SEMA5A: variants seen among roughly 807,000 people sequenced by gnomAD.
SEMA5A encodes the protein semaphorin-5A.
In SEMA5A, 55 loss-of-function variants were observed where a neutral mutation model predicts 135.5. That is an observed-to-expected ratio of 0.41 (90% CI 0.33 to 0.51). SEMA5A has a LOEUF of 0.51. Among genes scored for constraint, SEMA5A ranks in the 20% least tolerant of loss-of-function variants. The pLI is 0.37. For synonymous variants in SEMA5A, 580 were observed against 546.5 expected (o/e 1.06, Z -0.85); for missense variants, 1,290 against 1,419.9 (o/e 0.91, Z 1.47).
chr5:9,481,968 C>T (rs777433509), intron 1 of SEMA5A, among the ~76,000 whole-genome samples: 16 of 152,222 alleles, frequency 1.1e-4, no homozygotes, highest in Admixed American at 2.0e-4. Context: ...ATCACATCTC[C>T]AAACCACTTT....
chr5:9,355,193 G>A (rs13158558), intron 3 of SEMA5A, among the ~76,000 whole-genome samples: 99,614 of 152,002 alleles, frequency 0.66, 33,667 homozygotes, highest in South Asian at 0.76. Flanking sequence ...TATTCACAAC[G>A]ACAAGTGGGA....
chr5:9,445,618 G>C lies in SEMA5A; in HGVS notation c.-174-7766C>G, dbSNP rs535667590. On this transcript the variant is annotated intron_variant, in intron 1 of 22. Transcript: ENST00000382496. The stretch of plus-strand genomic sequence containing the variant: ...CGGGAGACGGAGCTTGCAATGAGCC[G>C]AGATGGCACCACTGCACTCCAGTCT... Among the ~76,000 whole-genome samples the C allele has an allele frequency of 7.9e-5, 12 of 152,152 alleles. No individual in the cohort carries two copies. The South Asian group carries it at 2.3e-3, about 29-fold the overall frequency.
At chr5:9,335,009 CA>C (rs1430969115) in intron 4 of SEMA5A, among the ~76,000 whole-genome samples, 2 of 151,992 alleles carry the variant, frequency 1.3e-5, no homozygotes, top group African/African-American at 4.8e-5. Flanking sequence ...ATGAGGACTC[CA>C]GGGATATTGA....
At chr5:9,248,143 A>G (rs3026320) in intron 5 of SEMA5A, among the ~76,000 whole-genome samples, 5 of 152,184 alleles carry the variant, frequency 3.3e-5, no homozygotes, top group Admixed American at 1.3e-4. Flanking sequence ...ATGTTTGATA[A>G]GAGCTCCATC....
At chr5:9,478,327 G>A (rs531660606) in intron 1 of SEMA5A, among the ~76,000 whole-genome samples, 27 of 152,310 alleles carry the variant, frequency 1.8e-4, no homozygotes, top group East Asian at 1.4e-3. Context: ...CAGAATCCCC[G>A]CTGGGCATTG....
chr5:9,214,360 C>T (rs574711999), intron 8 of SEMA5A, among the ~76,000 whole-genome samples: 3 of 152,286 alleles, frequency 2.0e-5, no homozygotes, highest in African/African-American at 4.8e-5. Flanking sequence ...CTGACAGCAC[C>T]TCCCACCATC....
chr5:9,265,323 C>G, intron 5 of SEMA5A: 2 of 412,368 alleles, frequency 4.9e-6, no homozygotes, highest in Non-Finnish European at 9.9e-6. Context: ...ATTAGAAGGA[C>G]AGGCCCAGTT....
intron 16 of SEMA5A, among the ~76,000 whole-genome samples, chr5:9,088,657 TATAC>T (rs1561140883): frequency 2.3e-4 from 20 of 88,092 alleles, no homozygotes; most frequent in African/African-American, 8.7e-4. Flanking sequence ...TATATATATA[TATAC>T]ACACACACAC....
At chr5:9,403,244 G>C (rs565113094) in intron 2 of SEMA5A, among the ~76,000 whole-genome samples, 2 of 152,204 alleles carry the variant, frequency 1.3e-5, no homozygotes, top group Admixed American at 6.5e-5. Context: ...TGATATAACT[G>C]TTTATGAATT....
rs961345036 is a variant in SEMA5A at position 9,522,138 on chromosome 5, C to T, written c.-175+23446G>A. On this transcript the variant is annotated intron_variant, in intron 1 of 22. Coordinates refer to ENST00000382496, the MANE Select transcript of SEMA5A (RefSeq NM_003966.3). ...CACAGCCTGACACCATGGTGACACC[C>T]ACACATGACTCAAGAAAGGATGTTG... Among the ~76,000 whole-genome samples, 3 of 152,296 alleles carry T rather than the reference C, an allele frequency of 2.0e-5. No individual in the cohort carries two copies. The East Asian group carries it at 5.8e-4, about 29-fold the overall frequency.
intron 5 of SEMA5A, among the ~76,000 whole-genome samples, chr5:9,246,086 A>C (rs1748467762): frequency 6.6e-6 from 1 of 152,262 alleles, no homozygotes; most frequent in East Asian, 1.9e-4. Flanking sequence ...CGACTGGTGC[A>C]CTTCAAAAAT....
intron 1 of SEMA5A, among the ~76,000 whole-genome samples, chr5:9,525,792 C>G (rs141542988): frequency 1.3e-5 from 2 of 152,160 alleles, no homozygotes; most frequent in African/African-American, 4.8e-5. Flanking sequence ...GAAATTGTAT[C>G]TTTTTTTCTT....
At chr5:9,388,501 T>C (rs1394622743) in intron 2 of SEMA5A, among the ~76,000 whole-genome samples, 1 of 151,418 alleles carries the variant, frequency 6.6e-6, no homozygotes, top group East Asian at 1.9e-4. Flanking sequence ...AAAAAAGTAC[T>C]TAAATAATGG....
chr5:9,105,273 G>A (rs1412511248), intron 16 of SEMA5A, among the ~76,000 whole-genome samples: 3 of 152,224 alleles, frequency 2.0e-5, no homozygotes, highest in African/African-American at 7.2e-5. Flanking sequence ...AAGGCTTGGT[G>A]ACTTAGTCTA....
Position 9,062,962 on chromosome 5 carries a change from C to T in SEMA5A, c.2443G>A (p.Glu815Lys), listed in dbSNP as rs759201612. 52 of 1,614,076 alleles carry T rather than the reference C, an allele frequency of 3.2e-5. No individual in the cohort carries two copies. The highest frequency in any genetic ancestry group is 1.6e-4 in the Middle Eastern group (1 of 6,084). ...CAAGGCATTCCCCCATACTTGGGTT[C>T]GGGGTTGTTGCAAACACGCTTCCGG... is the stretch of plus-strand genomic sequence containing the variant. ...RNRKRVCNNP[E>K]PKYGGMPCLG... The change falls in exon 18 of 23, where the codon GAA (glutamate) becomes AAA (lysine). Residue 815 changes from glutamate to lysine, a missense_variant. Transcript: ENST00000382496.
At chr5:9,129,882 C>T (rs906263713) in intron 13 of SEMA5A, among the ~76,000 whole-genome samples, 17 of 152,144 alleles carry the variant, frequency 1.1e-4, no homozygotes, top group African/African-American at 2.7e-4. Context: ...AAGTAAGTTG[C>T]TCAAAGTCAC....
At chr5:9,500,202 G>A (rs1328329285) in intron 1 of SEMA5A, among the ~76,000 whole-genome samples, 1 of 152,170 alleles carries the variant, frequency 6.6e-6, no homozygotes, top group Non-Finnish European at 1.5e-5. Flanking sequence ...ATAAAGTTTT[G>A]ATTAATCCTC....
At chr5:9,188,848 C>A (rs1256611729) in intron 11 of SEMA5A, among the ~76,000 whole-genome samples, 1 of 108,430 alleles carries the variant, frequency 9.2e-6, no homozygotes, top group Non-Finnish European at 1.8e-5. Flanking sequence ...GATAACTCAT[C>A]AATCCTCCAT....
chr5:9,090,669 A>G (rs933523241), intron 16 of SEMA5A, among the ~76,000 whole-genome samples: 1 of 152,196 alleles, frequency 6.6e-6, no homozygotes, highest in African/African-American at 2.4e-5. Flanking sequence ...CAGCTACTTT[A>G]TGCCAGGCAC....
Sources: allele counts gnomAD v4.1 joint callset (sites outside exome capture counted in the v4.1 genomes callset), GRCh38; gene constraint gnomAD v4.1.1; transcripts MANE v1.5; gene names NCBI Gene and HGNC (gene_info 2026-07-23, HGNC 2026-07-21).